The following LARGE1 variants were observed in gnomAD, a reference collection of about 807,000 sequenced individuals.
LARGE1 encodes the protein LARGE xylosyl- and glucuronyltransferase 1, also known as xylosyl- and glucuronyltransferase LARGE1.
A neutral mutation model predicts 87.6 loss-of-function variants in LARGE1; 43 were observed. The ratio of observed to expected loss-of-function variants is 0.49; its 90% CI spans 0.38 to 0.63. The LOEUF (loss-of-function observed/expected upper bound fraction) is 0.63, where lower values mean the gene tolerates loss of function less well. Ranked by LOEUF, LARGE1 falls within the 30% of genes least tolerant of loss-of-function variation. The pLI is 0.00. For missense variants in LARGE1, 802 were observed against 1,000.2 expected (o/e 0.80, Z 2.67); for synonymous variants, 434 against 394.6 (o/e 1.10, Z -1.18).
chr22:33,645,138 T>C (rs549235398), intron 3 of LARGE1, among the ~76,000 whole-genome samples: 38 of 152,296 alleles, frequency 2.5e-4, no homozygotes, highest in Non-Finnish European at 4.6e-4. Context: ...GGAGGCATTA[T>C]GCTACCTGAC....
chr22:33,633,305 G>C (rs2080166071), intron 3 of LARGE1, among the ~76,000 whole-genome samples: 1 of 152,128 alleles, frequency 6.6e-6, no homozygotes, highest in African/African-American at 2.4e-5. Context: ...AGACGATGCA[G>C]GGAGAGCATC....
Position 33,650,499 on chromosome 22 carries a change from G to T in LARGE1, c.276C>A (p.Ser92=). ...QLSLAQGRAP[S]HRRGNHSKTY... ...TCTTGGAGTGGTTGCCTCGGCGATG[G>T]GATGGGGCTCGGCCCTGGGCCAGGC... Residue 92 remains serine, a synonymous_variant, in exon 3 of 15, where the codon TCC becomes TCA. Coordinates refer to ENST00000397394, the MANE Select transcript of LARGE1 (RefSeq NM_133642.5). The T allele has an allele frequency of 1.2e-6, 2 of 1,613,554 alleles. No individual in the cohort carries two copies. Among genetic ancestry groups the T allele is most frequent in the Non-Finnish European group, 8.5e-7 (1 of 1,180,032 alleles).
intron 9 of LARGE1, among the ~76,000 whole-genome samples, chr22:33,345,598 C>G (rs1471358305): frequency 1.3e-5 from 2 of 152,134 alleles, no homozygotes; most frequent in Admixed American, 6.5e-5. Context: ...ATCTGAAATG[C>G]CTATAAAGGC....
At chr22:33,902,669 G>T (rs1473819624) in intron 1 of LARGE1, among the ~76,000 whole-genome samples, 1 of 152,154 alleles carries the variant, frequency 6.6e-6, no homozygotes. Context: ...TTACTAATTT[G>T]TGTTTCAAAC....
chr22:33,771,975 G>A (rs1422301555), intron 1 of LARGE1, among the ~76,000 whole-genome samples: 4 of 152,160 alleles, frequency 2.6e-5, no homozygotes, highest in African/African-American at 9.6e-5. Context: ...TATACGAATC[G>A]AAGCTACCAT....
At chr22:33,312,812 G>A (rs1034821825) in intron 11 of LARGE1, among the ~76,000 whole-genome samples, 1 of 152,182 alleles carries the variant, frequency 6.6e-6, no homozygotes, top group African/African-American at 2.4e-5. Flanking sequence ...CCATCATTCA[G>A]CACTGACATG....
At chr22:33,919,273 A>T (rs1197401878) in intron 1 of LARGE1, among the ~76,000 whole-genome samples, 3 of 152,218 alleles carry the variant, frequency 2.0e-5, no homozygotes, top group Non-Finnish European at 2.9e-5. Context: ...AGGCTTGTAC[A>T]ACTGAGGTTC....
At chr22:33,218,888 G>C (rs1354772176) in intron 11 of LARGE1, among the ~76,000 whole-genome samples, 2 of 152,184 alleles carry the variant, frequency 1.3e-5, no homozygotes, top group African/African-American at 4.8e-5. Context: ...TGGCATCCAG[G>C]CAGGACCTGT....
intron 10 of LARGE1, among the ~76,000 whole-genome samples, chr22:33,320,538 T>C (rs904380174): frequency 6.6e-6 from 1 of 152,228 alleles, no homozygotes; most frequent in Non-Finnish European, 1.5e-5. Flanking sequence ...TGTGACATTT[T>C]ACCATTGTCC....
At chr22:33,165,563 T>TA (rs1335417678) in exon 12 of LARGE1, 1 of 152,216 alleles carries the variant, frequency 6.6e-6, no homozygotes, top group Non-Finnish European at 1.5e-5. Flanking sequence ...TATGCAGGTT[T>TA]AGATCCAAAC....
chr22:33,748,401 G>A (rs187041740), intron 2 of LARGE1, among the ~76,000 whole-genome samples: 29 of 152,150 alleles, frequency 1.9e-4, no homozygotes, highest in African/African-American at 5.8e-4. Context: ...CTCCCATCCC[G>A]TAGCTTTAAA....
At chr22:33,921,472 C>T (rs1385999593), upstream of LARGE1, among the ~76,000 whole-genome samples, 1 of 152,004 alleles carries the variant, frequency 6.6e-6, no homozygotes, top group Non-Finnish European at 1.5e-5. The surrounding 1 kb of genome is among the most constrained non-coding windows in gnomAD (Gnocchi z 4.1). Context: ...ACAAAACAGC[C>T]GTCGTGAGAA....
intron 11 of LARGE1, among the ~76,000 whole-genome samples, chr22:33,257,888 T>G (rs1295804494): frequency 6.6e-6 from 1 of 152,024 alleles, no homozygotes; most frequent in Non-Finnish European, 1.5e-5. Flanking sequence ...GTCACAGCCT[T>G]GAGAGAGAGG....
rs184308806 is a variant in LARGE1 at position 33,210,275 on chromosome 22, C to T, written c.1731-43443G>A. ...GGCGTGTATCCTTGTCCTCTTTGCC[C>T]TCCACAGAGCATGGTCTGGCAGATA... On this transcript the variant is annotated intron_variant, in intron 11 of 11. Transcript: ENST00000608642. Among the ~76,000 whole-genome samples the T allele has an allele frequency of 8.5e-5, 13 of 152,370 alleles. No individual in the cohort carries two copies. The East Asian group carries it at 2.1e-3, about 25-fold the overall frequency.
At chr22:33,857,946 C>A (rs186037793) in intron 1 of LARGE1, among the ~76,000 whole-genome samples, 1 of 152,146 alleles carries the variant, frequency 6.6e-6, no homozygotes, top group African/African-American at 2.4e-5. Context: ...AAGATCGTGG[C>A]GGGCCGCTTC....
At chr22:33,228,074 T>A (rs1264007470) in intron 11 of LARGE1, among the ~76,000 whole-genome samples, 4 of 152,274 alleles carry the variant, frequency 2.6e-5, no homozygotes, top group African/African-American at 9.6e-5. Flanking sequence ...AGCATTAGAA[T>A]GCCCAGATTT....
chr22:33,603,119 C>A (rs2079156114), intron 5 of LARGE1, among the ~76,000 whole-genome samples: 1 of 152,192 alleles, frequency 6.6e-6, no homozygotes, highest in East Asian at 1.9e-4. Flanking sequence ...CCAAGACAAT[C>A]CCCAAATGCT....
At position 33,522,503 on chromosome 22, in the gene LARGE1, A is replaced by C. The variant is rs1284994396; in HGVS notation, c.787+42345T>G. ...TGCTTAAGCTCAGGAGTTCCAAAGC[A>C]GCCTGGGCAACATAGGGAGACTTTG... On this transcript the variant is annotated intron_variant, in intron 6 of 14. Coordinates refer to ENST00000397394, the MANE Select transcript of LARGE1 (RefSeq NM_133642.5). Among the ~76,000 whole-genome samples the C allele has an allele frequency of 2.0e-5, 3 of 152,102 alleles. No individual in the cohort carries two copies. The East Asian group carries it at 5.8e-4, about 29-fold the overall frequency.
At chr22:33,083,542 ACAGAGTCT>A in the LARGE1 span, among the ~76,000 whole-genome samples, 1 of 152,250 alleles carries the variant, frequency 6.6e-6, no homozygotes, top group Admixed American at 6.5e-5. Flanking sequence ...TCATGAACTG[ACAGAGTCT>A]CTGTTTCACT....
Sources: gnomAD v4.1 joint callset for allele counts (sites outside exome capture counted in the v4.1 genomes callset) on GRCh38, gnomAD v4.1.1 for gene constraint, Gnocchi (gnomAD v3.1) non-coding constraint, MANE v1.5 for transcripts, NCBI Gene and HGNC (gene_info 2026-07-23, HGNC 2026-07-21) for gene names.